The following ARMC2 variants were observed in gnomAD, a reference collection of about 807,000 sequenced individuals.
The protein encoded by ARMC2 is armadillo repeat containing 2.
In ARMC2, 67 loss-of-function variants were observed where a neutral mutation model predicts 90.3. The observed-to-expected ratio is 0.74, with a 90% CI of 0.61 to 0.91. The LOEUF is 0.91. Ranked by LOEUF, ARMC2 falls within the 40% of genes least tolerant of loss-of-function variation. The probability of loss-of-function intolerance (pLI) is 0.00; values close to 1 mark genes in which losing one functional copy is unlikely to be tolerated. For missense variants in ARMC2, 920 were observed against 1,030.9 expected (o/e 0.89, Z 1.47); for synonymous variants, 393 against 393.0 (o/e 1.00, Z 0.00).
chr6:108,884,212 C>G (rs1314251036), intron 5 of ARMC2, among the ~76,000 whole-genome samples: 1 of 152,170 alleles, frequency 6.6e-6, no homozygotes, highest in Non-Finnish European at 1.5e-5. Flanking sequence ...AGAGTGGACC[C>G]TGTCCATGAA....
At chr6:108,854,045 G>A (rs1380807753) in intron 1 of ARMC2, among the ~76,000 whole-genome samples, 180 bp from the exon 2 acceptor site, 1 of 151,838 alleles carries the variant, frequency 6.6e-6, no homozygotes, top group Non-Finnish European at 1.5e-5. Context: ...GTATATTTTT[G>A]AGGAAATTTT....
chr6:108,985,145 TCA>T, the ARMC2 span, among the ~76,000 whole-genome samples: 1,615 of 152,292 alleles, frequency 0.011, 33 homozygotes, highest in African/African-American at 0.037. Context: ...TAATAAAATT[TCA>T]GAGTATATTG....
rs1562381652 is a variant in ARMC2, at chr6:108,912,419, T to C, written c.1211T>C (p.Ile404Thr). Residue 404 changes from isoleucine (I) to threonine (T), a missense_variant, in exon 10 of 18, where the codon ATT becomes ACT. Physicochemically the swap from Ile to Thr is moderately conservative, Grantham distance 89. Coordinates refer to ENST00000392644, the MANE Select transcript of ARMC2 (RefSeq NM_032131.6). ...FLYCMGSIKF[I>T]SGNLGFLNEM... Reference sequence around the variant, plus strand: ...TACTGTATGGGGTCTATAAAGTTCATTTCTGGAAATCTGGGATTTCTTAAT... The same window carrying C: ...TACTGTATGGGGTCTATAAAGTTCACTTCTGGAAATCTGGGATTTCTTAAT... 1 of 1,613,956 alleles carries C rather than the reference T, an allele frequency of 6.2e-7. No homozygotes were observed. Among genetic ancestry groups the C allele is most frequent in the Non-Finnish European group, 8.5e-7 (1 of 1,179,840 alleles).
intron 10 of ARMC2, among the ~76,000 whole-genome samples, 173 bp downstream of exon 10, chr6:108,912,731 C>T (rs1268675796): frequency 2.0e-5 from 3 of 152,196 alleles, no homozygotes; most frequent in Non-Finnish European, 2.9e-5. Context: ...TGCCTGTTGT[C>T]CTGGACAGGC....
chr6:109,021,295 T>A, the ARMC2 span, among the ~76,000 whole-genome samples: 1 of 152,222 alleles, frequency 6.6e-6, no homozygotes, highest in Non-Finnish European at 1.5e-5. Context: ...CCATGTACTT[T>A]AAAACAAAGG....
chr6:108,913,520 G>C (rs1773644194), intron 10 of ARMC2, among the ~76,000 whole-genome samples: 2 of 152,216 alleles, frequency 1.3e-5, no homozygotes, highest in South Asian at 4.1e-4. Context: ...CATGCTCCCA[G>C]TGTTATCGAA....
chr6:108,924,040 T>G (rs1463860676), intron 10 of ARMC2: 1 of 152,190 alleles, frequency 6.6e-6, no homozygotes, highest in Admixed American at 6.5e-5. Context: ...AAGAAGTGGT[T>G]TGTACCCTAG....
chr6:108,900,775 T>C (rs1037762221), intron 7 of ARMC2, among the ~76,000 whole-genome samples: 2 of 152,160 alleles, frequency 1.3e-5, no homozygotes, highest in East Asian at 3.9e-4. Context: ...AGGAGTCACC[T>C]AGACTCTGTG....
At chr6:108,912,598 G>C in intron 10 of ARMC2, 40 bp downstream of exon 10, 1 of 1,528,792 alleles carries the variant, frequency 6.5e-7, no homozygotes, top group Non-Finnish European at 9.0e-7. Context: ...TGTAAAATTA[G>C]TTTTCACATT....
chr6:108,921,486 A>G (rs1397243950), intron 10 of ARMC2, among the ~76,000 whole-genome samples: 2 of 145,182 alleles, frequency 1.4e-5, no homozygotes, highest in African/African-American at 4.8e-5. Context: ...ATATATCTTA[A>G]TAAATTCCAA....
intron 5 of ARMC2, among the ~76,000 whole-genome samples, chr6:108,890,223 A>C (rs890853415): frequency 3.3e-5 from 4 of 120,702 alleles, no homozygotes; most frequent in African/African-American, 9.6e-5. Context: ...AAAAAAAAAA[A>C]AAAAAACAGT....
Position 108,904,216 on chromosome 6 carries a change from CTT to C in ARMC2, c.848-12_848-11del. ...TAATTAGTAAGTGTTGCTTTACTCT[CTT>C]TGCTCTGACAGAAGAAAACATTGAA... On this transcript the variant is annotated splice_polypyrimidine_tract_variant and intron_variant, in intron 7 of 17. Coordinates refer to ENST00000392644, the MANE Select transcript of ARMC2 (RefSeq NM_032131.6). 4 of 1,612,846 alleles carry C rather than the reference CTT, an allele frequency of 2.5e-6. No individual in the cohort carries two copies. The South Asian group carries it at 4.4e-5, about 18-fold the overall frequency.
intron 13 of ARMC2, among the ~76,000 whole-genome samples, chr6:108,956,131 C>T (rs1777566849): frequency 6.6e-6 from 1 of 152,164 alleles, no homozygotes; most frequent in Non-Finnish European, 1.5e-5. Context: ...TCATCTGTTG[C>T]AGAATTAATC....
the ARMC2 span, among the ~76,000 whole-genome samples, chr6:109,021,661 C>T: frequency 2.0e-5 from 3 of 151,984 alleles, no homozygotes; most frequent in Admixed American, 6.6e-5. Flanking sequence ...AGGCTGGTCT[C>T]GAACTCCTGA....
At chr6:108,865,542 A>G (rs1490896910) in intron 3 of ARMC2, among the ~76,000 whole-genome samples, 1 of 152,232 alleles carries the variant, frequency 6.6e-6, no homozygotes, top group Non-Finnish European at 1.5e-5. Context: ...GGGACACATA[A>G]TTTATTAAAT....
At chr6:108,991,531 C>G in the ARMC2 span, among the ~76,000 whole-genome samples, 1 of 152,154 alleles carries the variant, frequency 6.6e-6, no homozygotes, top group Admixed American at 6.5e-5. Flanking sequence ...TGGGAGCCAC[C>G]AGATCTGGCC....
chr6:108,951,807 AC>A (rs537521601), intron 12 of ARMC2, among the ~76,000 whole-genome samples: 73 of 152,284 alleles, frequency 4.8e-4, no homozygotes, highest in Admixed American at 2.2e-3. Flanking sequence ...ACTGCTAACT[AC>A]TGATCTGATC....
At chr6:108,942,913 A>G (rs1172903475) in intron 12 of ARMC2, among the ~76,000 whole-genome samples, 4 of 152,216 alleles carry the variant, frequency 2.6e-5, no homozygotes, top group Non-Finnish European at 5.9e-5. Flanking sequence ...AATGAACAAG[A>G]AAGAAAAGAA....
chr6:108,992,890 T>A, the ARMC2 span: 4 of 1,600,410 alleles, frequency 2.5e-6, no homozygotes, highest in Admixed American at 5.1e-5. Flanking sequence ...TGGTGTAACT[T>A]CTTCATCATC....
Sources: gnomAD v4.1 joint callset for allele counts (sites outside exome capture counted in the v4.1 genomes callset) on GRCh38, gnomAD v4.1.1 for gene constraint, MANE v1.5 for transcripts, NCBI Gene and HGNC (gene_info 2026-07-23, HGNC 2026-07-21) for gene names.